FBXO15: variants seen among roughly 807,000 people sequenced by gnomAD.
The protein encoded by FBXO15 is F-box only protein 15.
In FBXO15, 30 loss-of-function variants were observed where a neutral mutation model predicts 49.5. The observed-to-expected ratio is 0.61, with a 90% confidence interval of 0.45 to 0.82. The LOEUF (loss-of-function observed/expected upper bound fraction) is 0.82. FBXO15 is among the 40% of genes least tolerant of loss of function. The pLI, the probability that FBXO15 is intolerant of heterozygous loss-of-function variation, is 0.00. For synonymous variants in FBXO15, 250 were observed against 232.7 expected, an observed-to-expected ratio of 1.07 and a Z score of -0.68; for missense variants, 591 against 631.5, an observed-to-expected ratio of 0.94 and a Z score of 0.69.
At chr18:74,139,143 GAAGT>G (rs1399109513) in intron 2 of FBXO15, among the ~76,000 whole-genome samples, 1 of 152,162 alleles carries the variant, frequency 6.6e-6, no homozygotes, top group Non-Finnish European at 1.5e-5. Context: ...TGCGCCTCCT[GAAGT>G]AAGTCTTTCC....
intron 8 of FBXO15, among the ~76,000 whole-genome samples, chr18:74,101,617 C>T (rs55912579): frequency 0.088 from 13,315 of 151,878 alleles, 822 homozygotes; most frequent in Admixed American, 0.2. Flanking sequence ...AAAACAATCC[C>T]AAAATTCATA....
chr18:74,128,422 A>G (rs904191927), intron 5 of FBXO15, among the ~76,000 whole-genome samples: 7 of 152,098 alleles, frequency 4.6e-5, no homozygotes, highest in Admixed American at 4.6e-4. Context: ...GTCAGATATC[A>G]CAGTATCCTC....
intron 8 of FBXO15, among the ~76,000 whole-genome samples, chr18:74,090,205 T>C (rs1912956843): frequency 6.6e-6 from 1 of 152,184 alleles, no homozygotes; most frequent in South Asian, 2.1e-4. Context: ...TTTACGTGCA[T>C]AGAGGTGCTC....
intron 9 of FBXO15, among the ~76,000 whole-genome samples, chr18:74,079,629 C>G (rs780786542): frequency 5.0e-4 from 76 of 152,108 alleles, no homozygotes; most frequent in Non-Finnish European, 9.4e-4. Flanking sequence ...AAAAAACTGA[C>G]CTACTTAGAA....
intron 5 of FBXO15, among the ~76,000 whole-genome samples, chr18:74,128,925 A>G (rs1978305896): frequency 6.6e-6 from 1 of 152,196 alleles, no homozygotes; most frequent in Non-Finnish European, 1.5e-5. Context: ...CGATCATTCC[A>G]TTTCATAGAG....
At chr18:74,113,236 T>TA (rs1367377460) in intron 8 of FBXO15, among the ~76,000 whole-genome samples, 2 of 152,098 alleles carry the variant, frequency 1.3e-5, no homozygotes, top group African/African-American at 4.8e-5. Flanking sequence ...TATGATATTC[T>TA]AAAAAAGGAA....
chr18:74,103,510 T>G (rs1289289120), intron 8 of FBXO15, among the ~76,000 whole-genome samples: 1 of 151,764 alleles, frequency 6.6e-6, no homozygotes, highest in African/African-American at 2.4e-5. Context: ...TATATCCAGG[T>G]ACAAGAATAC....
At chr18:74,132,490 C>T (rs530788406) in intron 3 of FBXO15, among the ~76,000 whole-genome samples, 2 of 152,320 alleles carry the variant, frequency 1.3e-5, no homozygotes, top group South Asian at 4.1e-4. Flanking sequence ...ATAACCACAA[C>T]TAACATTCGT....
intron 8 of FBXO15, among the ~76,000 whole-genome samples, chr18:74,110,376 C>A (rs1051115265): frequency 2.0e-5 from 3 of 151,282 alleles, no homozygotes; most frequent in Non-Finnish European, 4.4e-5. Context: ...TGTAAGGCAA[C>A]CACTATACAA....
At chr18:74,125,861 T>C (rs886104998) in intron 6 of FBXO15, 114 bp downstream of exon 6, 3 of 1,401,572 alleles carry the variant, frequency 2.1e-6, no homozygotes, top group South Asian at 1.3e-5. Context: ...GTAAAATGGA[T>C]TGCAGTTAGT....
At chr18:74,073,788 A>G in intron 9 of FBXO15, 58 bp from the exon 10 acceptor site, 1 of 1,538,726 alleles carries the variant, frequency 6.5e-7, no homozygotes. Flanking sequence ...TGATTTTCAC[A>G]GAAAATCGTG....
At chr18:74,104,957 A>G (rs1250182176) in intron 8 of FBXO15, among the ~76,000 whole-genome samples, 2 of 152,230 alleles carry the variant, frequency 1.3e-5, no homozygotes, top group African/African-American at 4.8e-5. Context: ...TGTGAAATAT[A>G]TACAAAATTA....
intron 6 of FBXO15, among the ~76,000 whole-genome samples, chr18:74,125,607 G>A (rs1479235108): frequency 3.9e-5 from 6 of 152,194 alleles, no homozygotes; most frequent in Non-Finnish European, 8.8e-5. Flanking sequence ...TAAGGGAAAT[G>A]TTGTCAGAGA....
intron 3 of FBXO15, among the ~76,000 whole-genome samples, chr18:74,135,322 A>C (rs912071680): frequency 6.6e-6 from 1 of 152,188 alleles, no homozygotes; most frequent in Non-Finnish European, 1.5e-5. Context: ...GGAGAAGCTA[A>C]GTACACCTAA....
intron 8 of FBXO15, among the ~76,000 whole-genome samples, chr18:74,108,538 A>G (rs1404311857): frequency 6.6e-6 from 1 of 151,930 alleles, no homozygotes; most frequent in African/African-American, 2.4e-5. Context: ...AAAAAAACAG[A>G]ACAGAATATC....
chr18:74,082,794 G>T (rs533924503), intron 8 of FBXO15, among the ~76,000 whole-genome samples: 1 of 152,132 alleles, frequency 6.6e-6, no homozygotes, highest in African/African-American at 2.4e-5. Context: ...CAAACCAACC[G>T]ACAGCAACAC....
intron 8 of FBXO15, among the ~76,000 whole-genome samples, chr18:74,114,445 A>G (rs1914146934): frequency 6.6e-6 from 1 of 152,216 alleles, no homozygotes; most frequent in South Asian, 2.1e-4. Context: ...CTATATCCTG[A>G]GTCCTGGGAG....
At chr18:74,119,410 C>A (rs1914377260) in intron 8 of FBXO15, among the ~76,000 whole-genome samples, 1 of 152,108 alleles carries the variant, frequency 6.6e-6, no homozygotes, top group South Asian at 2.1e-4. Context: ...CAAAATAAAC[C>A]AAAATACTGC....
intron 1 of FBXO15, among the ~76,000 whole-genome samples, chr18:74,141,852 T>A (rs1346593749): frequency 3.3e-5 from 5 of 152,322 alleles, no homozygotes; most frequent in African/African-American, 9.6e-5. Flanking sequence ...GGCACCTGGC[T>A]GCCCTGCTTC....
Sources: gnomAD v4.1 joint callset for allele counts (sites outside exome capture counted in the v4.1 genomes callset) on GRCh38, gnomAD v4.1.1 for gene constraint, MANE v1.5 for transcripts, NCBI Gene and HGNC (gene_info 2026-07-23, HGNC 2026-07-21) for gene names.